DLGAP2: variants seen among roughly 807,000 people sequenced by gnomAD.
DLGAP2 encodes the protein disks large-associated protein 2.
In DLGAP2, 26 loss-of-function variants were observed where a neutral mutation model predicts 100.3. The ratio of observed to expected loss-of-function variants is 0.26; its 90% confidence interval spans 0.19 to 0.36. DLGAP2 has a LOEUF of 0.36. DLGAP2 is among the 10% of genes least tolerant of loss of function. The pLI is 1.00. For missense variants in DLGAP2, 1,858 were observed against 1,453.2 expected (o/e 1.28, Z -4.53); for synonymous variants, 886 against 630.1 (o/e 1.41, Z -6.08).
intron 3 of DLGAP2, among the ~76,000 whole-genome samples, chr8:1,381,782 A>AGTGTGTGTGTGTGTGTGT (rs72529197): frequency 1.4e-5 from 2 of 141,692 alleles, no homozygotes; most frequent in Admixed American, 7.0e-5. Context: ...GGGTTATTCT[A>AGTGTGTGTGTGTGTGTGT]GTGTGTGTGT....
intron 2 of DLGAP2, among the ~76,000 whole-genome samples, chr8:1,130,529 C>G (rs1796268920): frequency 6.6e-6 from 1 of 152,142 alleles, no homozygotes; most frequent in South Asian, 2.1e-4. Context: ...GTGACTCATG[C>G]ACCCATTAGA....
intron 2 of DLGAP2, among the ~76,000 whole-genome samples, chr8:944,140 T>A (rs564569435): frequency 6.6e-6 from 1 of 152,388 alleles, no homozygotes; most frequent in Non-Finnish European, 1.5e-5. Flanking sequence ...TTGCTGCTGA[T>A]CTGTTAGGTG....
chr8:1,549,467 G>A lies in DLGAP2; in HGVS notation c.1014G>A (p.Leu338=). 3 of 1,613,454 alleles carry A rather than the reference G, an allele frequency of 1.9e-6. No homozygotes were observed. The South Asian group carries it at 3.3e-5, about 18-fold the overall frequency. ...CGCTGCAGAGCCCCTTCGGGGACCTGTCCCTCAAGACCTCCAAGAGCAACA... is the reference window on the plus strand; with the variant it reads ...CGCTGCAGAGCCCCTTCGGGGACCTATCCCTCAAGACCTCCAAGAGCAACA... ...PDALQSPFGD[L]SLKTSKSNND... Residue 338 remains leucine, a synonymous_variant, in exon 5 of 15, where the codon CTG becomes CTA. Transcript: ENST00000637795.
In DLGAP2 at chr8:990,312, C is replaced by A. The variant is rs572744566; in HGVS notation, c.73+82346C>A. Among the ~76,000 whole-genome samples the A allele has an allele frequency of 8.2e-5, 12 of 146,148 alleles. No individual in the cohort carries two copies. The East Asian group carries it at 2.4e-3, about 29-fold the overall frequency. On this transcript the variant is annotated intron_variant, in intron 2 of 14. Transcript: ENST00000637795. ...AAGTTTTCTATGAAAGTGGCCCAGACCCCCTGCACCCCCATACTCGGAGTT... is the reference window on the plus strand; with the variant it reads ...AAGTTTTCTATGAAAGTGGCCCAGAACCCCTGCACCCCCATACTCGGAGTT...
intron 7 of DLGAP2, among the ~76,000 whole-genome samples, chr8:1,631,250 C>G (rs1585014684): frequency 6.6e-6 from 1 of 152,046 alleles, no homozygotes; most frequent in Admixed American, 6.5e-5. Context: ...TTGTGAAATG[C>G]ACATACCAGG....
chr8:1,498,978 G>A (rs1270877560), intron 3 of DLGAP2, among the ~76,000 whole-genome samples: 3 of 152,208 alleles, frequency 2.0e-5, no homozygotes, highest in Admixed American at 1.3e-4. Context: ...ACTTTGAACG[G>A]TGTCACCTGA....
At chr8:1,477,094 G>A (rs369487394) in intron 3 of DLGAP2, among the ~76,000 whole-genome samples, 86 of 143,022 alleles carry the variant, frequency 6.0e-4, no homozygotes, top group African/African-American at 2.0e-3. Flanking sequence ...ACTGCCGCAG[G>A]CACTGCACAC....
chr8:1,352,448 T>A (rs1333880082), intron 3 of DLGAP2, among the ~76,000 whole-genome samples: 1 of 152,104 alleles, frequency 6.6e-6, no homozygotes, highest in Non-Finnish European at 1.5e-5. Flanking sequence ...CTTCCTGGGG[T>A]CACCGCTGGG....
At chr8:1,060,045 C>A (rs548304291) in intron 2 of DLGAP2, among the ~76,000 whole-genome samples, 4 of 152,256 alleles carry the variant, frequency 2.6e-5, no homozygotes, top group Admixed American at 2.6e-4. Context: ...GAAGTGGAAT[C>A]TCAGGACCTG....
At position 1,565,876 on chromosome 8, in the gene DLGAP2, C is replaced by A; in HGVS notation, c.1424C>A (p.Pro475Gln). 2 of 1,608,012 alleles carry A rather than the reference C, an allele frequency of 1.2e-6. No individual in the cohort carries two copies. The highest frequency in any genetic ancestry group is 1.7e-6 in the Non-Finnish European group (2 of 1,177,266). The change falls in exon 6 of 15, where the codon CCG (proline) becomes CAG (glutamine). Residue 475 changes from proline (P) to glutamine (Q), a missense_variant. Physicochemically the swap from Pro to Gln is moderately conservative, Grantham distance 76 (BLOSUM62 -1). Transcript: ENST00000637795. ...EPLLKSIGQR[P>Q]LGEHQTQTYL... ...CTGCTGAAGTCCATCGGACAGAGACCGCTTGGAGAGCACCAGACGTAAGTG... is the reference window on the plus strand; with the variant it reads ...CTGCTGAAGTCCATCGGACAGAGACAGCTTGGAGAGCACCAGACGTAAGTG...
chr8:1,495,743 G>T (rs115612216), intron 3 of DLGAP2, among the ~76,000 whole-genome samples: 1 of 152,216 alleles, frequency 6.6e-6, no homozygotes, highest in Admixed American at 6.5e-5. Flanking sequence ...AGTGGTGGCC[G>T]TGCTGGGTCT....
chr8:1,532,635 T>C (rs1801022774), intron 4 of DLGAP2, among the ~76,000 whole-genome samples: 1 of 152,218 alleles, frequency 6.6e-6, no homozygotes, highest in African/African-American at 2.4e-5. Context: ...CATAACAGTA[T>C]ATTTTAATTT....
chr8:879,020 C>G (rs6559196), intron 1 of DLGAP2, among the ~76,000 whole-genome samples: 123,642 of 151,746 alleles, frequency 0.81, 51,400 homozygotes, highest in African/African-American at 0.88. Flanking sequence ...AATGAAGGAG[C>G]CTACCAATAT....
intron 3 of DLGAP2, among the ~76,000 whole-genome samples, chr8:1,267,634 T>TAAAATAA (rs369065157): frequency 5.2e-5 from 1 of 19,216 alleles, no homozygotes; most frequent in Non-Finnish European, 1.2e-4. Flanking sequence ...AAATATTAAA[T>TAAAATAA]AGGTCTACAA....
At chr8:948,223 G>A (rs902917405) in intron 2 of DLGAP2, among the ~76,000 whole-genome samples, 5 of 152,220 alleles carry the variant, frequency 3.3e-5, no homozygotes, top group African/African-American at 1.2e-4. Flanking sequence ...TTGATTTGGG[G>A]CATAGGTGGA....
At chr8:1,190,071 T>G (rs563101310) in intron 2 of DLGAP2, among the ~76,000 whole-genome samples, 1 of 152,370 alleles carries the variant, frequency 6.6e-6, no homozygotes, top group South Asian at 2.1e-4. Flanking sequence ...GCTCTGGTTT[T>G]CTGCTCCTTG....
In DLGAP2 at chr8:1,259,532, G is replaced by C. The variant is rs1228100650; in HGVS notation, c.106+649G>C. The C allele has an allele frequency of 2.6e-5, 4 of 152,342 alleles. No individual in the cohort carries two copies. The East Asian group carries it at 7.7e-4, about 29-fold the overall frequency. The allele number at this position is 152,342 out of a possible 1,614,324, so 9.4% of individuals were successfully genotyped here. ...TAGCGGGGACTCTGAATTAACTGGA[G>C]CTTTGATTTCGAGGTCTGCTTTCAG... On this transcript the variant is annotated intron_variant, in intron 3 of 14. Coordinates refer to ENST00000637795, the MANE Select transcript of DLGAP2 (RefSeq NM_001346810.2).
chr8:1,699,449 C>CAA (rs35226030), intron 14 of DLGAP2, among the ~76,000 whole-genome samples: 114 of 128,624 alleles, frequency 8.9e-4, no homozygotes, highest in South Asian at 5.1e-3. Flanking sequence ...ATTAAAAATA[C>CAA]AAAAAAAAAA....
At position 1,663,707 on chromosome 8, in the gene DLGAP2, A is replaced by T. The variant is rs184381854; in HGVS notation, c.1811-4622A>T. Among the ~76,000 whole-genome samples the T allele has an allele frequency of 3.3e-3, 499 of 152,238 alleles. 5 individuals are homozygous for T. The highest frequency in any genetic ancestry group is 3.8e-3 in the Non-Finnish European group (258 of 68,028). On this transcript the variant is annotated intron_variant, in intron 8 of 14. Transcript: ENST00000637795. ...CTGTGACTTGCCTGTGAGTCTGTGG[A>T]TCCTGTAAGTGAAACTCAACTGCAG...
Sources: allele counts gnomAD v4.1 joint callset (sites outside exome capture counted in the v4.1 genomes callset), GRCh38; gene constraint gnomAD v4.1.1; transcripts MANE v1.5; gene names NCBI Gene and HGNC (gene_info 2026-07-23, HGNC 2026-07-21).